Variants in ALG1 observed in about 807,000 individuals in gnomAD.
The protein encoded by ALG1 is ALG1 chitobiosyldiphosphodolichol beta-mannosyltransferase, also known as chitobiosyldiphosphodolichol beta-mannosyltransferase.
ALG1 carries 58 observed loss-of-function variants against 55.1 expected under a neutral mutation model. The observed-to-expected ratio is 1.05, with a 90% CI of 0.85 to 1.31. The LOEUF is 1.31. Among genes scored for constraint, ALG1 ranks in the 50% most tolerant of loss-of-function variants. The probability of loss-of-function intolerance (pLI) is 0.00; values close to 1 mark genes in which losing one functional copy is unlikely to be tolerated. For synonymous variants in ALG1, 309 were observed against 247.0 expected, an observed-to-expected ratio of 1.25 and a Z score of -2.35; for missense variants, 761 against 598.6, an observed-to-expected ratio of 1.27 and a Z score of -2.83.
chr16:5,085,144 T>C lies in ALG1; in HGVS notation c.*263T>C. On this transcript the variant is annotated 3_prime_UTR_variant, in exon 13 of 13. Coordinates refer to ENST00000262374, the MANE Select transcript of ALG1 (RefSeq NM_019109.5). ...TGCCCCTGCTAGCGTATTACTGTTC[T>C]GTGACTTCCCTGTGACCTCTGCAGA... The C allele has an allele frequency of 1.6e-6, 1 of 637,106 alleles. No homozygotes were observed. The highest frequency in any genetic ancestry group is 2.7e-6 in the Non-Finnish European group (1 of 373,386). 39.5% of individuals were successfully genotyped at this position (637,106 alleles called of 1,614,324 possible). A position where few individuals can be genotyped will look rare whatever the true frequency, so the allele number is the denominator to read the frequency against.
In ALG1 at chr16:5,076,911, C is replaced by T. The variant is rs571747580; in HGVS notation, c.540-534C>T. Among the ~76,000 whole-genome samples, 4 of 150,850 alleles carry T rather than the reference C, an allele frequency of 2.7e-5. No homozygotes were observed. In the South Asian group the frequency reaches 8.4e-4, roughly 32 times the overall value. ...CTGGGTTCAAGCAATTCTCCTGCCTCAGCCTCCTGAGTAGCTGGGATTATA... is the reference window on the plus strand; with the variant it reads ...CTGGGTTCAAGCAATTCTCCTGCCTTAGCCTCCTGAGTAGCTGGGATTATA... On this transcript the variant is annotated intron_variant, in intron 4 of 12. Coordinates refer to ENST00000262374, the MANE Select transcript of ALG1 (RefSeq NM_019109.5).
rs1253708943 is a variant in ALG1, at chr16:5,072,034, C to T, written c.185C>T (p.Ser62Leu). ...HALSLAMHGF[S>L]VTLLGFCNSK... ...CTGTCGTTGGCCATGCACGGCTTCT[C>T]GGTGACCCTCCTGGGGTTCTGCAGT... Residue 62 changes from serine (S) to leucine (L), a missense_variant, in exon 1 of 13, where the codon TCG (serine) becomes TTG (leucine). Physicochemically the swap from Ser to Leu is moderately radical, Grantham distance 145 (BLOSUM62 -2). Coordinates refer to ENST00000262374, the MANE Select transcript of ALG1 (RefSeq NM_019109.5). 6.3e-7 allele frequency: 1 copy of T among 1,591,778 alleles called. No homozygotes were observed. Among genetic ancestry groups the T allele is most frequent in the Non-Finnish European group, 8.6e-7 (1 of 1,168,812 alleles).
chr16:5,076,637 C>G (rs1956919898), intron 4 of ALG1, among the ~76,000 whole-genome samples: 1 of 152,204 alleles, frequency 6.6e-6, no homozygotes, highest in Non-Finnish European at 1.5e-5. Context: ...CGGCTCTACC[C>G]TGCGATCAGG....
chr16:5,072,195 C>G (rs1230871417), intron 1 of ALG1, 138 bp downstream of exon 1: 3 of 1,528,302 alleles, frequency 2.0e-6, no homozygotes, highest in Middle Eastern at 1.8e-4. Context: ...ACGAGCGGTT[C>G]TGCCCCAGCC....
At chr16:5,083,837 C>T (rs1156257369) in intron 12 of ALG1, 80 bp downstream of exon 12, 13 of 1,591,342 alleles carry the variant, frequency 8.2e-6, no homozygotes, top group Non-Finnish European at 1.0e-5. Context: ...TCCCTGCTTC[C>T]CACAGCCAGG....
chr16:5,077,012 C>A (rs906951956), intron 4 of ALG1, among the ~76,000 whole-genome samples: 1 of 151,968 alleles, frequency 6.6e-6, no homozygotes, highest in Non-Finnish European at 1.5e-5. Context: ...CCAGGCTGGT[C>A]TCGAACTCCT....
At position 5,087,148 on chromosome 16, in the gene ALG1, C is replaced by T. The variant is rs1336472191; in HGVS notation, c.*2267C>T. 1 of 152,090 alleles carries T rather than the reference C, an allele frequency of 6.6e-6. No homozygotes were observed. The highest frequency in any genetic ancestry group is 1.5e-5 in the Non-Finnish European group (1 of 68,032). 9.4% of individuals were successfully genotyped at this position (152,090 alleles called of 1,614,324 possible). On this transcript the variant is annotated 3_prime_UTR_variant, in exon 13 of 13. Coordinates refer to ENST00000262374, the MANE Select transcript of ALG1 (RefSeq NM_019109.5). ...AATCTTTTGGCCTCCCTGTGCCACA[C>T]TGGAAGAAGAAGAATCGCCTTGGGC... is the stretch of plus-strand genomic sequence containing the variant.
rs778626972 is a variant in ALG1 at position 5,072,049 on chromosome 16, G to C, written c.200G>C (p.Gly67Ala). Residue 67 changes from glycine to alanine, a missense_variant, in exon 1 of 13, where the codon GGG becomes GCG. Transcript: ENST00000262374. ...AMHGFSVTLL[G>A]FCNSKPHDEL... ...CACGGCTTCTCGGTGACCCTCCTGG[G>C]GTTCTGCAGTGAGTGGCCAAGGGTC... 5.1e-6 allele frequency: 8 copies of C among 1,577,994 alleles called. No homozygotes were observed. The highest frequency in any genetic ancestry group is 6.0e-6 in the Non-Finnish European group (7 of 1,162,532).
rs373926261 is a variant in ALG1, at chr16:5,075,556, G to T, written c.539+20G>T. The T allele has an allele frequency of 3.7e-6, 6 of 1,613,562 alleles. No homozygotes were observed. In the South Asian group the frequency reaches 6.6e-5, roughly 18 times the overall value. On this transcript the variant is annotated intron_variant, in intron 4 of 12. Transcript: ENST00000262374. ...CAAGTGGTGAGAGTCTAGGAAGAGG[G>T]TAAAATACCGTCCCCTAAACCACTC...
intron 4 of ALG1, among the ~76,000 whole-genome samples, chr16:5,076,018 A>G (rs1956906400): frequency 6.6e-6 from 1 of 152,152 alleles, no homozygotes; most frequent in African/African-American, 2.4e-5. Flanking sequence ...GTGAGGGCAG[A>G]TCCCCAAATT....
intron 2 of ALG1, 43 bp downstream of exon 2, chr16:5,073,071 G>A (rs1233671443): frequency 6.2e-7 from 1 of 1,610,562 alleles, no homozygotes; most frequent in Non-Finnish European, 8.5e-7. Context: ...TCCATGGGCT[G>A]GGGGCAGGGG....
chr16:5,077,682 G>C (rs886355177), intron 5 of ALG1, 148 bp downstream of exon 5: 199 of 1,016,764 alleles, frequency 2.0e-4, no homozygotes, highest in Middle Eastern at 2.9e-4. Flanking sequence ...TGGGGAAGCT[G>C]GGGGAGGAGG....
intron 12 of ALG1, 60 bp from the exon 13 acceptor site, chr16:5,084,668 GGACCTGGGGTCAGCCAGGTGGT>G: frequency 5.7e-6 from 9 of 1,588,518 alleles, no homozygotes; most frequent in South Asian, 1.1e-5. Flanking sequence ...GTTGGGTCGG[GGACCTGGGGTCAGCCAGGTGGT>G]GACCTGGGAT....
At chr16:5,083,903 G>C (rs1957063449) in intron 12 of ALG1, 146 bp downstream of exon 12, 10 of 1,340,310 alleles carry the variant, frequency 7.5e-6, no homozygotes, top group South Asian at 1.3e-5. Flanking sequence ...GGTCACAGAG[G>C]CTGGCCCACT....
Position 5,085,372 on chromosome 16 carries a change from A to C in ALG1, c.*491A>C. On this transcript the variant is annotated 3_prime_UTR_variant, in exon 13 of 13. Coordinates refer to ENST00000262374, the MANE Select transcript of ALG1 (RefSeq NM_019109.5). ...ACACACGTTTTTATTTGCACAAAGA[A>C]AATGCTATTTTTGGAGCCAGAATTT... The C allele has an allele frequency of 5.6e-6, 3 of 538,662 alleles. No homozygotes were observed. In the South Asian group the frequency reaches 6.2e-5, roughly 11 times the overall value. The allele number at this position is 538,662 out of a possible 1,614,324, so 33.4% of individuals were successfully genotyped here.
intron 1 of ALG1, chr16:5,072,342 G>C: frequency 2.5e-6 from 3 of 1,181,322 alleles, no homozygotes; most frequent in Non-Finnish European, 3.4e-6. Flanking sequence ...CAGGGCTAGT[G>C]CTGGTAGCTA....
chr16:5,078,745 C>G lies in ALG1; in HGVS notation c.741-12C>G, dbSNP rs1258933535. 9.3e-6 allele frequency: 15 copies of G among 1,612,780 alleles called. No homozygotes were observed. Among genetic ancestry groups the G allele is most frequent in the Non-Finnish European group, 1.3e-5 (15 of 1,179,790 alleles). The stretch of plus-strand genomic sequence containing the variant: ...CTATGGCCTCTCACAGGCTTTTTTT[C>G]TGCTCCTTCAGCTCAGAACCTGAGG... On this transcript the variant is annotated splice_polypyrimidine_tract_variant and intron_variant, in intron 6 of 12. Coordinates refer to ENST00000262374, the MANE Select transcript of ALG1 (RefSeq NM_019109.5).
intron 5 of ALG1, 111 bp downstream of exon 5, chr16:5,077,645 T>C: frequency 1.7e-6 from 2 of 1,203,400 alleles, no homozygotes; most frequent in Admixed American, 1.7e-5. Context: ...TTTGAAATAC[T>C]GAGGGCCTGG....
chr16:5,072,279 T>C, intron 1 of ALG1: 5 of 1,448,026 alleles, frequency 3.5e-6, no homozygotes, highest in Non-Finnish European at 4.5e-6. Context: ...GTGAATCCAT[T>C]GCGTGGTCTC....
Sources: allele counts gnomAD v4.1 joint callset (sites outside exome capture counted in the v4.1 genomes callset), GRCh38; gene constraint gnomAD v4.1.1; transcripts MANE v1.5; gene names NCBI Gene and HGNC (gene_info 2026-07-23, HGNC 2026-07-21).